The following DEPTOR variants were observed in gnomAD, a reference collection of about 807,000 sequenced individuals.
DEPTOR encodes DEP domain containing MTOR interacting protein.
DEPTOR carries 41 observed loss-of-function variants against 41.6 expected under a neutral mutation model. That is an observed-to-expected ratio of 0.98 (90% CI 0.77 to 1.28). DEPTOR has a LOEUF of 1.28. DEPTOR is among the 50% of genes most tolerant of loss of function. The probability of loss-of-function intolerance (pLI) is 0.00; values close to 1 mark genes in which losing one functional copy is unlikely to be tolerated. For missense variants in DEPTOR, 514 were observed against 527.9 expected, an observed-to-expected ratio of 0.97 and a Z score of 0.26; for synonymous variants, 195 against 192.3, an observed-to-expected ratio of 1.01 and a Z score of -0.12.
At chr8:120,013,890 C>T (rs1211724354) in intron 8 of DEPTOR, among the ~76,000 whole-genome samples, 1 of 149,862 alleles carries the variant, frequency 6.7e-6, no homozygotes, top group Non-Finnish European at 1.5e-5. Context: ...GCCCAGCTGG[C>T]GTGCAGTGGC....
intron 1 of DEPTOR, among the ~76,000 whole-genome samples, chr8:119,912,111 T>A (rs1416355754): frequency 6.6e-6 from 1 of 152,044 alleles, no homozygotes; most frequent in Non-Finnish European, 1.5e-5. Context: ...AAAGAACACA[T>A]CATGGAAGAA....
Position 120,001,838 on chromosome 8 carries a change from A to G in DEPTOR, c.790+128A>G, listed in dbSNP as rs1444564770. On this transcript the variant is annotated intron_variant, in intron 5 of 8. Transcript: ENST00000286234. Reference sequence around the variant, plus strand: ...AATTTTTACTTATTCATAACCAAGAAGCATGAAAAAAATTCTGAAACCCTA... The same window carrying G: ...AATTTTTACTTATTCATAACCAAGAGGCATGAAAAAAATTCTGAAACCCTA... The G allele has an allele frequency of 3.4e-6, 4 of 1,167,092 alleles. No homozygotes were observed. In the East Asian group the frequency reaches 1.1e-4, roughly 32 times the overall value. The allele number at this position is 1,167,092 out of a possible 1,614,324, so 72.3% of individuals were successfully genotyped here. A position where few individuals can be genotyped will look rare whatever the true frequency, so the allele number is the denominator to read the frequency against.
At chr8:119,906,589 G>A (rs1374744003) in intron 1 of DEPTOR, among the ~76,000 whole-genome samples, 1 of 152,164 alleles carries the variant, frequency 6.6e-6, no homozygotes, top group East Asian at 1.9e-4. Flanking sequence ...TGTGAGAGAG[G>A]CCAGGCCTGT....
rs1828127144 is a variant in DEPTOR at position 119,937,355 on chromosome 8, C to T, written c.425+7417C>T. 2.6e-5 allele frequency among the ~76,000 whole-genome samples: 4 copies of T among 152,126 alleles called. No homozygotes were observed. In the South Asian group the frequency reaches 8.3e-4, roughly 32 times the overall value. ...GCAGAGTTGCAGTGACCCATGATTG[C>T]ACCACTGCACTCCAGCCTGGGTGAC... On this transcript the variant is annotated intron_variant, in intron 3 of 8. Coordinates refer to ENST00000286234, the MANE Select transcript of DEPTOR (RefSeq NM_022783.4).
intron 8 of DEPTOR, among the ~76,000 whole-genome samples, chr8:120,036,961 C>G (rs1444250703): frequency 6.6e-6 from 1 of 152,200 alleles, no homozygotes; most frequent in Admixed American, 6.5e-5. Context: ...AGCAAATTCT[C>G]TCTCATACCT....
chr8:119,951,246 C>G (rs980666123), intron 3 of DEPTOR, among the ~76,000 whole-genome samples: 2 of 152,080 alleles, frequency 1.3e-5, no homozygotes, highest in Admixed American at 1.3e-4. Context: ...AAATAATAAC[C>G]ATTCCTGTCA....
chr8:119,891,957 C>G (rs942857543), intron 1 of DEPTOR, among the ~76,000 whole-genome samples: 3 of 152,168 alleles, frequency 2.0e-5, no homozygotes, highest in Admixed American at 2.0e-4. Context: ...GTCATCCCCT[C>G]AGCCTCTGTT....
intron 2 of DEPTOR, among the ~76,000 whole-genome samples, chr8:119,929,557 T>G (rs1809889944): frequency 6.6e-6 from 1 of 152,144 alleles, no homozygotes; most frequent in African/African-American, 2.4e-5. Flanking sequence ...GTGAACTTCC[T>G]AAATATGATG....
intron 4 of DEPTOR, among the ~76,000 whole-genome samples, chr8:119,965,731 G>T (rs113772904): frequency 1.3e-5 from 2 of 152,198 alleles, no homozygotes; most frequent in African/African-American, 4.8e-5. Context: ...TCACAACTTT[G>T]TATCTAACTG....
chr8:119,951,450 G>A (rs1400017933), intron 3 of DEPTOR, among the ~76,000 whole-genome samples: 12 of 152,118 alleles, frequency 7.9e-5, no homozygotes, highest in Non-Finnish European at 5.9e-5. Context: ...TCCACACTTG[G>A]CTTCTATCTA....
intron 4 of DEPTOR, 54 bp from the exon 5 acceptor site, chr8:120,001,471 C>T (rs1812349241): frequency 6.7e-7 from 1 of 1,500,906 alleles, no homozygotes; most frequent in Non-Finnish European, 9.0e-7. Context: ...CTGTAGCGCT[C>T]AGTGGCCAGG....
At chr8:119,880,863 G>T (rs1827289426) in intron 1 of DEPTOR, among the ~76,000 whole-genome samples, 1 of 152,144 alleles carries the variant, frequency 6.6e-6, no homozygotes, top group Non-Finnish European at 1.5e-5. Context: ...ATAATAAAGG[G>T]AATGCTTAAA....
intron 4 of DEPTOR, among the ~76,000 whole-genome samples, chr8:119,993,870 G>T (rs1459541538): frequency 6.6e-6 from 1 of 151,876 alleles, no homozygotes; most frequent in Non-Finnish European, 1.5e-5. Flanking sequence ...AAAAAATCAG[G>T]CTGAGGCCGG....
At position 120,049,620 on chromosome 8, in the gene DEPTOR, T is replaced by C. The variant is rs774676705; in HGVS notation, c.1146T>C (p.His382=). 3 of 1,614,026 alleles carry C rather than the reference T, an allele frequency of 1.9e-6. No homozygotes were observed. The highest frequency in any genetic ancestry group is 1.3e-5 in the African/African-American group (1 of 75,058). Residue 382 remains histidine, a synonymous_variant, in exon 9 of 9, where the codon CAT becomes CAC. Transcript: ENST00000286234. The stretch of plus-strand genomic sequence containing the variant: ...CTGTCAACGGGCTCAATGTCCTGCA[T>C]GTAGACTACCGGACCGTGAGCAATC... ...VVSVNGLNVL[H]VDYRTVSNLI...
chr8:119,907,595 C>A (rs1827679424), intron 1 of DEPTOR, among the ~76,000 whole-genome samples: 1 of 152,084 alleles, frequency 6.6e-6, no homozygotes, highest in African/African-American at 2.4e-5. Context: ...AAGTTTGAGA[C>A]CACACTGGCC....
At chr8:119,946,675 G>A (rs1047468103) in intron 3 of DEPTOR, among the ~76,000 whole-genome samples, 1 of 151,864 alleles carries the variant, frequency 6.6e-6, no homozygotes, top group African/African-American at 2.4e-5. Flanking sequence ...TGGAGGTTGC[G>A]GTGAGCCGAG....
At chr8:120,037,042 T>G (rs893313588) in intron 8 of DEPTOR, among the ~76,000 whole-genome samples, 1 of 152,246 alleles carries the variant, frequency 6.6e-6, no homozygotes, top group Non-Finnish European at 1.5e-5. Context: ...ACTTAACACC[T>G]ATTGCCATTT....
intron 4 of DEPTOR, among the ~76,000 whole-genome samples, chr8:119,991,985 T>A (rs1812180989): frequency 6.6e-6 from 1 of 152,174 alleles, no homozygotes; most frequent in Non-Finnish European, 1.5e-5. Context: ...AGTTAAAGCT[T>A]AAGTCTTGCT....
chr8:120,036,273 ATTG>A (rs1325420469), intron 8 of DEPTOR, among the ~76,000 whole-genome samples: 1 of 152,156 alleles, frequency 6.6e-6, no homozygotes, highest in Non-Finnish European at 1.5e-5. Context: ...AATGCTACTT[ATTG>A]TTGTTGTCTT....
Sources: allele counts gnomAD v4.1 joint callset (sites outside exome capture counted in the v4.1 genomes callset), GRCh38; gene constraint gnomAD v4.1.1; transcripts MANE v1.5; gene names NCBI Gene and HGNC (gene_info 2026-07-23, HGNC 2026-07-21).